NR6A1: variants seen among roughly 807,000 people sequenced by gnomAD.
The protein encoded by NR6A1 is nuclear receptor subfamily 6 group A member 1.
A neutral mutation model predicts 59.1 loss-of-function variants in NR6A1; 7 were observed. The ratio of observed to expected loss-of-function variants is 0.12; its 90% CI spans 0.07 to 0.22. The LOEUF is 0.22. Ranked by LOEUF, NR6A1 falls within the 10% of genes least tolerant of loss-of-function variation. The pLI, the probability that NR6A1 is intolerant of heterozygous loss-of-function variation, is 1.00. For synonymous variants in NR6A1, 243 were observed against 236.1 expected (o/e 1.03, Z -0.27); for missense variants, 468 against 611.6 (o/e 0.77, Z 2.48).
At chr9:124,758,328 T>C (rs1840694086) in intron 1 of NR6A1, among the ~76,000 whole-genome samples, 1 of 152,324 alleles carries the variant, frequency 6.6e-6, no homozygotes, top group East Asian at 1.9e-4. Context: ...CCAGCAGCAT[T>C]TAAGGAAGTT....
At chr9:124,544,441 C>T (rs549365461) in intron 3 of NR6A1, among the ~76,000 whole-genome samples, 19 of 152,236 alleles carry the variant, frequency 1.2e-4, no homozygotes, top group African/African-American at 4.1e-4. Context: ...ACAACTACTA[C>T]TAATATTATC....
intron 1 of NR6A1, among the ~76,000 whole-genome samples, chr9:124,759,869 G>A (rs868345777): frequency 6.6e-6 from 1 of 151,940 alleles, no homozygotes; most frequent in African/African-American, 2.4e-5. Flanking sequence ...GTGACACCCT[G>A]TCTCTACTAA....
intron 2 of NR6A1, among the ~76,000 whole-genome samples, chr9:124,609,960 G>A (rs891500300): frequency 6.6e-6 from 1 of 152,184 alleles, no homozygotes; most frequent in Non-Finnish European, 1.5e-5. Context: ...CATTGATTTT[G>A]TATCCTGAGA....
intron 3 of NR6A1, among the ~76,000 whole-genome samples, chr9:124,548,971 T>C (rs1833689827): frequency 6.6e-6 from 1 of 152,156 alleles, no homozygotes; most frequent in Non-Finnish European, 1.5e-5. Context: ...ATCCTATCAC[T>C]ACTGAGTTAT....
chr9:124,618,221 C>T (rs917413086), intron 2 of NR6A1, among the ~76,000 whole-genome samples: 2 of 152,206 alleles, frequency 1.3e-5, no homozygotes, highest in Non-Finnish European at 2.9e-5. Context: ...GTGGCTCACA[C>T]TTGTTATCCC....
At chr9:124,674,589 A>T (rs1356734680) in intron 2 of NR6A1, among the ~76,000 whole-genome samples, 1 of 152,184 alleles carries the variant, frequency 6.6e-6, no homozygotes, top group Non-Finnish European at 1.5e-5. Flanking sequence ...AGTGCTATAT[A>T]AATATTAACT....
chr9:124,705,732 T>A (rs1174628050), intron 2 of NR6A1, among the ~76,000 whole-genome samples: 1 of 152,166 alleles, frequency 6.6e-6, no homozygotes, highest in Non-Finnish European at 1.5e-5. Flanking sequence ...GCTTCTATTG[T>A]ATCATCTTTT....
intron 2 of NR6A1, among the ~76,000 whole-genome samples, chr9:124,662,745 G>A (rs1204805968): frequency 6.6e-6 from 1 of 152,180 alleles, no homozygotes; most frequent in Non-Finnish European, 1.5e-5. Flanking sequence ...TGACCATGCT[G>A]TCCCATGCAG....
chr9:124,573,620 T>C (rs1834509482), intron 2 of NR6A1, among the ~76,000 whole-genome samples: 1 of 152,230 alleles, frequency 6.6e-6, no homozygotes, highest in Non-Finnish European at 1.5e-5. Context: ...CCTATCTTCA[T>C]TATCTTCCTC....
intron 2 of NR6A1, among the ~76,000 whole-genome samples, chr9:124,561,109 A>G (rs1834073749): frequency 6.6e-6 from 1 of 151,758 alleles, no homozygotes; most frequent in Admixed American, 6.6e-5. Context: ...TGGATATTAT[A>G]TTATATTAAA....
intron 2 of NR6A1, among the ~76,000 whole-genome samples, chr9:124,708,066 A>G (rs758647387): frequency 2.6e-5 from 4 of 152,206 alleles, no homozygotes; most frequent in Non-Finnish European, 5.9e-5. Flanking sequence ...AGAGCTTATC[A>G]AGCCCCTTGA....
In NR6A1 at chr9:124,522,186, C is replaced by T. The variant is rs71495523; in HGVS notation, c.*519G>A. The T allele has an allele frequency of 0.012, 1,940 of 155,590 alleles. 19 individuals carry two copies. Among genetic ancestry groups the T allele is most frequent in the Admixed American group, 0.021 (343 of 16,028 alleles). 9.6% of individuals were successfully genotyped at this position (155,590 alleles called of 1,614,324 possible). On this transcript the variant is annotated 3_prime_UTR_variant, in exon 10 of 10. Coordinates refer to ENST00000487099, the MANE Select transcript of NR6A1 (RefSeq NM_033334.4). ...CTCCTAACAACACTTTGCCCCCTTACAGTGTGCCGTTTTATCTGGCAATTC... is the reference window on the plus strand; with the variant it reads ...CTCCTAACAACACTTTGCCCCCTTATAGTGTGCCGTTTTATCTGGCAATTC...
chr9:124,741,880 G>A (rs868627091), intron 1 of NR6A1, among the ~76,000 whole-genome samples: 55 of 152,318 alleles, frequency 3.6e-4, no homozygotes, highest in Non-Finnish European at 6.3e-4. Context: ...ACTGAGGTCA[G>A]TGAAAGTGCT....
chr9:124,598,652 A>AG, intron 2 of NR6A1: 1 of 372,094 alleles, frequency 2.7e-6, no homozygotes, highest in Non-Finnish European at 4.7e-6. Context: ...AAAATTAAAA[A>AG]AAAAAAAAAA....
At chr9:124,700,010 C>G (rs961037850) in intron 2 of NR6A1, among the ~76,000 whole-genome samples, 1 of 152,092 alleles carries the variant, frequency 6.6e-6, no homozygotes, top group Non-Finnish European at 1.5e-5. Flanking sequence ...GCATGCGCCA[C>G]CACACCCGCC....
At chr9:124,675,610 A>C (rs1166769398) in intron 2 of NR6A1, among the ~76,000 whole-genome samples, 1 of 152,230 alleles carries the variant, frequency 6.6e-6, no homozygotes. Context: ...TAGCAAGGCT[A>C]CCCTCTTCTG....
intron 2 of NR6A1, among the ~76,000 whole-genome samples, chr9:124,657,561 A>G (rs1417923338): frequency 1.3e-5 from 2 of 152,252 alleles, no homozygotes; most frequent in Non-Finnish European, 2.9e-5. Flanking sequence ...ACTGCCATGT[A>G]CTAAACAAAA....
chr9:124,633,548 G>T (rs1215940524), intron 2 of NR6A1, among the ~76,000 whole-genome samples: 2 of 151,912 alleles, frequency 1.3e-5, no homozygotes, highest in Non-Finnish European at 2.9e-5. Context: ...ATCAAAAGTT[G>T]AATGTAATTC....
At position 124,687,007 on chromosome 9, in the gene NR6A1, A is replaced by G. The variant is rs543051982; in HGVS notation, c.142+46301T>C. On this transcript the variant is annotated intron_variant, in intron 2 of 9. Coordinates refer to ENST00000487099, the MANE Select transcript of NR6A1 (RefSeq NM_033334.4). ...GGCATGAGCCACTGTGCCAGGCCAA[A>G]ATATTTTGAAAGGCTTTGAAGTATG... is the stretch of plus-strand genomic sequence containing the variant. Among the ~76,000 whole-genome samples the G allele has an allele frequency of 6.0e-4, 91 of 152,208 alleles. 1 individual carries two copies. The South Asian group carries it at 0.018, about 30-fold the overall frequency.
Sources: gnomAD v4.1 joint callset for allele counts (sites outside exome capture counted in the v4.1 genomes callset) on GRCh38, gnomAD v4.1.1 for gene constraint, MANE v1.5 for transcripts, NCBI Gene and HGNC (gene_info 2026-07-23, HGNC 2026-07-21) for gene names.